Variants in ZNF556 observed in about 807,000 individuals in gnomAD.
The protein encoded by ZNF556 is zinc finger protein 556.
In ZNF556, 11 loss-of-function variants were observed where a neutral mutation model predicts 13.6. The ratio of observed to expected loss-of-function variants is 0.81; its 90% confidence interval spans 0.51 to 1.33. The LOEUF (loss-of-function observed/expected upper bound fraction) is 1.33. ZNF556 is among the 40% of genes most tolerant of loss of function. The pLI, the probability that ZNF556 is intolerant of heterozygous loss-of-function variation, is 0.00. For missense variants in ZNF556, 633 were observed against 566.2 expected (o/e 1.12, Z -1.20); for synonymous variants, 229 against 207.8 (o/e 1.10, Z -0.88).
chr19:2,878,037 A>G lies in ZNF556; in HGVS notation c.1079A>G (p.Asp360Gly). 2 of 1,614,170 alleles carry G rather than the reference A, an allele frequency of 1.2e-6. No individual in the cohort carries two copies. Residue 360 changes from aspartate to glycine, a missense_variant, in exon 4 of 4, where the codon GAT becomes GGT. By Grantham distance (94) the Asp-to-Gly change is moderately conservative (BLOSUM62 -1). Coordinates refer to ENST00000307635, the MANE Select transcript of ZNF556 (RefSeq NM_024967.3). The stretch of plus-strand genomic sequence containing the variant: ...TCCGCGAGGCCTCGCCCCTCCACAG[A>G]TGTCAAATCACAAACTAGAGAGAAA... Reference protein sequence around the residue: ...KSSARPRPSTDVKSQTREKVY... With the variant: ...KSSARPRPSTGVKSQTREKVY...
chr19:2,873,432 G>A (rs1431647971), intron 1 of ZNF556, 64 bp from the exon 2 acceptor site: 15 of 1,585,230 alleles, frequency 9.5e-6, no homozygotes, highest in South Asian at 9.0e-5. Context: ...TATGAACTGA[G>A]TTCAGTTCCG....
rs2144895716 is a variant in ZNF556, at chr19:2,878,957, T to C, written c.*628T>C. On this transcript the variant is annotated 3_prime_UTR_variant, in exon 4 of 4. Transcript: ENST00000307635. Reference sequence around the variant, plus strand: ...GATGTATTTTAATATGCATTAACTTTAATTTTTATATATTTTTTTTGTTAC... The same window carrying C: ...GATGTATTTTAATATGCATTAACTTCAATTTTTATATATTTTTTTTGTTAC... The C allele has an allele frequency of 6.6e-6, 1 of 152,326 alleles. No individual in the cohort carries two copies. The highest frequency in any genetic ancestry group is 1.9e-4 in the East Asian group (1 of 5,194). 9.4% of individuals were successfully genotyped at this position (152,326 alleles called of 1,614,324 possible). A position where few individuals can be genotyped will look rare whatever the true frequency, so the allele number is the denominator to read the frequency against.
Position 2,867,549 on chromosome 19 carries a change from T to A in ZNF556, c.3+125T>A. 3.6e-6 allele frequency: 5 copies of A among 1,401,454 alleles called. No homozygotes were observed. In the South Asian group the frequency reaches 5.0e-5, roughly 14 times the overall value. The allele number at this position is 1,401,454 out of a possible 1,614,324, so 86.8% of individuals were successfully genotyped here. A position where few individuals can be genotyped will look rare whatever the true frequency, so the allele number is the denominator to read the frequency against. On this transcript the variant is annotated intron_variant, in intron 1 of 3. Coordinates refer to ENST00000307635, the MANE Select transcript of ZNF556 (RefSeq NM_024967.3). ...CCCCCATGCAGCCTCTGTCCCTGTG[T>A]CACCCCCGGGTCCTGCGGGGAGTTT...
At position 2,882,979 on chromosome 19, in the gene ZNF556, A is replaced by T. The variant is rs2087916631; in HGVS notation, c.*4650A>T. On this transcript the variant is annotated 3_prime_UTR_variant, in exon 4 of 4. Coordinates refer to ENST00000307635, the MANE Select transcript of ZNF556 (RefSeq NM_024967.3). ...GAAATAATTTTAAATTGCCTTATAT[A>T]TTTGGCATTGTCACTTTGCTGCCCC... 2 of 152,166 alleles carry T rather than the reference A, an allele frequency of 1.3e-5. No homozygotes were observed. Among genetic ancestry groups the T allele is most frequent in the African/African-American group, 4.8e-5 (2 of 41,444 alleles). 9.4% of individuals were successfully genotyped at this position (152,166 alleles called of 1,614,324 possible). A position where few individuals can be genotyped will look rare whatever the true frequency, so the allele number is the denominator to read the frequency against.
rs1158068371 is a variant in ZNF556 at position 2,878,084 on chromosome 19, G to A, written c.1126G>A (p.Gly376Arg). Residue 376 changes from glycine to arginine, a missense_variant, in exon 4 of 4, where the codon GGG becomes AGG. Physicochemically the swap from Gly to Arg is moderately radical, Grantham distance 125. Coordinates refer to ENST00000307635, the MANE Select transcript of ZNF556 (RefSeq NM_024967.3). ...REKVYKCETC[G>R]KTYGWSSSLH... ...GAAAGTCTATAAATGTGAAACGTGTGGGAAAACGTATGGTTGGTCCTCATC... is the reference window on the plus strand; with the variant it reads ...GAAAGTCTATAAATGTGAAACGTGTAGGAAAACGTATGGTTGGTCCTCATC... 1 of 1,614,128 alleles carries A rather than the reference G, an allele frequency of 6.2e-7. No homozygotes were observed. Among genetic ancestry groups the A allele is most frequent in the Non-Finnish European group, 8.5e-7 (1 of 1,180,030 alleles).
chr19:2,874,758 A>AAAAAAAGAAAG (rs1555725942), intron 2 of ZNF556, among the ~76,000 whole-genome samples: 3 of 130,736 alleles, frequency 2.3e-5, no homozygotes, highest in Non-Finnish European at 4.8e-5. Flanking sequence ...AAAAAAAAAA[A>AAAAAAAGAAAG]AAAGAAAGAA....
At position 2,877,156 on chromosome 19, in the gene ZNF556, G is replaced by C. The variant is rs1178320467; in HGVS notation, c.315-117G>C. ...ACCTGGGAGGCAGAGGTTGCAGTGAGCCAAGATCATGCCACTGCACTCCAG... is the reference window on the plus strand; with the variant it reads ...ACCTGGGAGGCAGAGGTTGCAGTGACCCAAGATCATGCCACTGCACTCCAG... On this transcript the variant is annotated intron_variant, in intron 3 of 3. Coordinates refer to ENST00000307635, the MANE Select transcript of ZNF556 (RefSeq NM_024967.3). The C allele has an allele frequency of 9.8e-6, 8 of 817,242 alleles. No individual in the cohort carries two copies. In the East Asian group the frequency reaches 2.2e-4, roughly 22 times the overall value. 50.6% of individuals were successfully genotyped at this position (817,242 alleles called of 1,614,324 possible).
chr19:2,867,831 G>C (rs1023129778), intron 1 of ZNF556, among the ~76,000 whole-genome samples: 3 of 152,128 alleles, frequency 2.0e-5, no homozygotes, highest in African/African-American at 7.2e-5. Context: ...GGAGGGGCGA[G>C]GGGTGGACAG....
At chr19:2,867,983 C>A (rs1283961621) in intron 1 of ZNF556, among the ~76,000 whole-genome samples, 1 of 152,070 alleles carries the variant, frequency 6.6e-6, no homozygotes, top group Non-Finnish European at 1.5e-5. Context: ...TTTTTTCAGT[C>A]AATGGAACAT....
rs1256974611 is a variant in ZNF556 at position 2,883,179 on chromosome 19, A to G, written c.*4850A>G. 6.6e-6 allele frequency: 1 copy of G among 152,218 alleles called. No homozygotes were observed. Among genetic ancestry groups the G allele is most frequent in the Non-Finnish European group, 1.5e-5 (1 of 68,032 alleles). The allele number at this position is 152,218 out of a possible 1,614,324, so 9.4% of individuals were successfully genotyped here. ...GTGAGGATAAAATCTATGGACGGTG[A>G]GAGAACTAGTCAAGGAATAACTGAA... is the stretch of plus-strand genomic sequence containing the variant. On this transcript the variant is annotated 3_prime_UTR_variant, in exon 4 of 4. Transcript: ENST00000307635.
chr19:2,882,533 T>TATATA lies in ZNF556; in HGVS notation c.*4204_*4205insATATA, dbSNP rs1568356788. 2 of 64,308 alleles carry TATATA rather than the reference T, an allele frequency of 3.1e-5. No homozygotes were observed. The highest frequency in any genetic ancestry group is 5.9e-5 in the African/African-American group (1 of 17,086). The allele number at this position is 64,308 out of a possible 1,614,324, so 4.0% of individuals were successfully genotyped here. A position where few individuals can be genotyped will look rare whatever the true frequency, so the allele number is the denominator to read the frequency against. On this transcript the variant is annotated 3_prime_UTR_variant, in exon 4 of 4. Coordinates refer to ENST00000307635, the MANE Select transcript of ZNF556 (RefSeq NM_024967.3). ...ACATTTTATATATATATATATATAG[T>TATATA]GTGTGTGTGTGTGTGTGTGTGTGTG...
At chr19:2,871,734 C>T (rs895002493) in intron 1 of ZNF556, among the ~76,000 whole-genome samples, 5 of 152,096 alleles carry the variant, frequency 3.3e-5, no homozygotes, top group East Asian at 1.9e-4. Flanking sequence ...GACAAGAGAG[C>T]GTAGAAATAA....
At position 2,883,377 on chromosome 19, in the gene ZNF556, C is replaced by T. The variant is rs868234244; in HGVS notation, c.*5048C>T. ...TAGGTATCGTTTCCATATGCTTAGA[C>T]TTCCAGCAGCTATTAGAAGAGAAAA... On this transcript the variant is annotated 3_prime_UTR_variant, in exon 4 of 4. Transcript: ENST00000307635. 6.6e-6 allele frequency: 1 copy of T among 152,178 alleles called. No homozygotes were observed. The highest frequency in any genetic ancestry group is 1.5e-5 in the Non-Finnish European group (1 of 68,032). 9.4% of individuals were successfully genotyped at this position (152,178 alleles called of 1,614,324 possible).
chr19:2,876,033 G>C, intron 2 of ZNF556, 60 bp from the exon 3 acceptor site: 1 of 1,414,536 alleles, frequency 7.1e-7, no homozygotes, highest in Admixed American at 2.3e-5. Flanking sequence ...TTAAACACCT[G>C]AATTACTTCT....
chr19:2,874,520 G>A (rs899613656), intron 2 of ZNF556, among the ~76,000 whole-genome samples: 9 of 151,962 alleles, frequency 5.9e-5, no homozygotes, highest in Admixed American at 1.3e-4. Context: ...CGAGGCGGGC[G>A]GATCACGAGG....
At chr19:2,873,375 A>T in intron 1 of ZNF556, 121 bp from the exon 2 acceptor site, 2 of 1,198,288 alleles carry the variant, frequency 1.7e-6, no homozygotes, top group Non-Finnish European at 2.4e-6. Flanking sequence ...CTGAGGACTG[A>T]GTCTTAAATA....
At chr19:2,871,956 C>T (rs898849388) in intron 1 of ZNF556, among the ~76,000 whole-genome samples, 2 of 152,170 alleles carry the variant, frequency 1.3e-5, no homozygotes, top group Non-Finnish European at 2.9e-5. Context: ...CCCTGCGTGG[C>T]AGCCGAGGCA....
intron 1 of ZNF556, among the ~76,000 whole-genome samples, chr19:2,867,815 T>C (rs1772604490): frequency 6.7e-6 from 1 of 150,244 alleles, no homozygotes. Context: ...CAGGCCCACG[T>C]CCCTGGGAGG....
At position 2,879,902 on chromosome 19, in the gene ZNF556, C is replaced by A. The variant is rs983861844; in HGVS notation, c.*1573C>A. On this transcript the variant is annotated 3_prime_UTR_variant, in exon 4 of 4. Transcript: ENST00000307635. Reference sequence around the variant, plus strand: ...AAAATTAGCCAGGTGTGGTGGCGGGCGCCTGTAGTCCCAGCTACTCGGGAG... The same window carrying A: ...AAAATTAGCCAGGTGTGGTGGCGGGAGCCTGTAGTCCCAGCTACTCGGGAG... The A allele has an allele frequency of 6.6e-6, 1 of 151,836 alleles. No individual in the cohort carries two copies. Among genetic ancestry groups the A allele is most frequent in the Non-Finnish European group, 1.5e-5 (1 of 68,004 alleles). The allele number at this position is 151,836 out of a possible 1,614,324, so 9.4% of individuals were successfully genotyped here. A position where few individuals can be genotyped will look rare whatever the true frequency, so the allele number is the denominator to read the frequency against.
Sources: gnomAD v4.1 joint callset for allele counts (sites outside exome capture counted in the v4.1 genomes callset) on GRCh38, gnomAD v4.1.1 for gene constraint, MANE v1.5 for transcripts, NCBI Gene and HGNC (gene_info 2026-07-23, HGNC 2026-07-21) for gene names.